MAPK15: variants seen among roughly 807,000 people sequenced by gnomAD.
MAPK15 encodes mitogen-activated protein kinase 15.
A neutral mutation model predicts 60.8 loss-of-function variants in MAPK15; 61 were observed. That is an observed-to-expected ratio of 1.00 (90% CI 0.82 to 1.24). MAPK15 has a LOEUF of 1.24. Among genes scored for constraint, MAPK15 ranks in the 50% most tolerant of loss-of-function variants. MAPK15 has a pLI of 0.00. For missense variants in MAPK15, 808 were observed against 741.1 expected (o/e 1.09, Z -1.05); for synonymous variants, 356 against 319.9 (o/e 1.11, Z -1.21).
rs1817809958 is a variant in MAPK15, at chr8:143,716,407, C to T, written c.30C>T (p.Val10=). Residue 10 remains valine (V), a synonymous_variant, in exon 1 of 14, where the codon GTC becomes GTT. Transcript: ENST00000338033. ...GCACCGTAGTGGACCCTCGCATTGT[C>T]CGGAGATACCTACTCAGGCGGCAGC... is the stretch of plus-strand genomic sequence containing the variant. MCTVVDPRI[V]RRYLLRRQLG... 1.9e-6 allele frequency: 3 copies of T among 1,605,810 alleles called. No individual in the cohort carries two copies. The highest frequency in any genetic ancestry group is 2.3e-5 in the East Asian group (1 of 44,004).
In MAPK15 at chr8:143,722,223, T is replaced by A. The variant is rs782072708; in HGVS notation, c.1607T>A (p.Leu536Gln). The A allele has an allele frequency of 6.3e-7, 1 of 1,596,510 alleles. No individual in the cohort carries two copies. The highest frequency in any genetic ancestry group is 1.7e-5 in the Admixed American group (1 of 58,344). Residue 536 changes from leucine (L) to glutamine (Q), a missense_variant, in exon 14 of 14, where the codon CTG becomes CAG. Coordinates refer to ENST00000338033, the MANE Select transcript of MAPK15 (RefSeq NM_139021.3). ...GTVCHSALGH[L>Q]PLLEGHHV ...GTCTGCCACTCGGCACTGGGCCACCTGCCCCTGCTGGAGGGGCACCATGTG... is the reference window on the plus strand; with the variant it reads ...GTCTGCCACTCGGCACTGGGCCACCAGCCCCTGCTGGAGGGGCACCATGTG...
Position 143,717,706 on chromosome 8 carries a change from G to A in MAPK15, c.79G>A (p.Val27Met). 1 of 1,608,788 alleles carries A rather than the reference G, an allele frequency of 6.2e-7. No individual in the cohort carries two copies. The highest frequency in any genetic ancestry group is 1.1e-5 in the South Asian group (1 of 89,638). ...CACTCCTTCCCAGGCCTATGGCATT[G>A]TGTGGAAGGCAGTGGACCGGAGGAC... Reference protein sequence around the residue: ...RQLGQGAYGIVWKAVDRRTGE... With the variant: ...RQLGQGAYGIMWKAVDRRTGE... The change falls in exon 2 of 14, where the codon GTG (valine) becomes ATG (methionine). Residue 27 changes from valine (V) to methionine (M), a missense_variant. Val to Met is a conservative substitution (Grantham distance 21). Coordinates refer to ENST00000338033, the MANE Select transcript of MAPK15 (RefSeq NM_139021.3).
At position 143,721,638 on chromosome 8, in the gene MAPK15, G is replaced by C; in HGVS notation, c.1294G>C (p.Gly432Arg). The C allele has an allele frequency of 6.2e-7, 1 of 1,610,504 alleles. No individual in the cohort carries two copies. Among genetic ancestry groups the C allele is most frequent in the Non-Finnish European group, 8.5e-7 (1 of 1,178,074 alleles). ...CCTAGGGAATGGGGAAAGGCCCCCTGGGGCGAAGGAAGCGCCCCCCTTGAC... is the reference window on the plus strand; with the variant it reads ...CCTAGGGAATGGGGAAAGGCCCCCTCGGGCGAAGGAAGCGCCCCCCTTGAC... ...ALLGNGERPP[G>R]AKEAPPLTLS... Residue 432 changes from glycine (G) to arginine (R), a missense_variant, in exon 12 of 14, where the codon GGG (glycine) becomes CGG (arginine). Physicochemically the swap from Gly to Arg is moderately radical, Grantham distance 125. Transcript: ENST00000338033.
chr8:143,716,360 G>A lies in MAPK15; in HGVS notation c.-18G>A, dbSNP rs200998930. 2.1e-3 allele frequency: 3,331 copies of A among 1,588,944 alleles called. 94 individuals are homozygous for A. The South Asian group carries it at 0.036, about 17-fold the overall frequency. ...GCAACCGACTCAACAGTAAGGCCCC[G>A]CGGGCGTCCTGGCCGCCATGTGCAC... On this transcript the variant is annotated 5_prime_UTR_variant, in exon 1 of 14. Transcript: ENST00000338033.
At chr8:143,717,575 C>T in intron 1 of MAPK15, 119 bp from the exon 2 acceptor site, 1 of 842,524 alleles carries the variant, frequency 1.2e-6, no homozygotes, top group South Asian at 1.6e-5. Context: ...GGAGCCCACA[C>T]TCCCATCCCC....
At position 143,722,322 on chromosome 8, in the gene MAPK15, C is replaced by T; in HGVS notation, c.*71C>T. The T allele has an allele frequency of 2.9e-6, 4 of 1,379,144 alleles. No homozygotes were observed. The highest frequency in any genetic ancestry group is 1.4e-5 in the South Asian group (1 of 70,760). The allele number at this position is 1,379,144 out of a possible 1,614,324, so 85.4% of individuals were successfully genotyped here. ...CTTCCCCAGACCCCTCTCCAGTCTC[C>T]TGCACCCCTTAGCCCTCCCTGCTTT... On this transcript the variant is annotated 3_prime_UTR_variant, in exon 14 of 14. Transcript: ENST00000338033.
intron 11 of MAPK15, 58 bp from the exon 12 acceptor site, chr8:143,721,491 C>T (rs571359115): frequency 1.3e-4 from 216 of 1,612,460 alleles, no homozygotes; most frequent in East Asian, 1.1e-3. Context: ...GCGCAGCATT[C>T]GGTTCCTGAC....
chr8:143,717,386 G>T (rs1309152793), intron 1 of MAPK15, among the ~76,000 whole-genome samples: 1 of 152,124 alleles, frequency 6.6e-6, no homozygotes, highest in Admixed American at 6.5e-5. Flanking sequence ...GTGAGAGAAA[G>T]GGAGGGAGAG....
At chr8:143,719,216 G>A in intron 6 of MAPK15, 60 bp downstream of exon 6, 2 of 1,497,666 alleles carry the variant, frequency 1.3e-6, no homozygotes, top group Non-Finnish European at 8.9e-7. Context: ...TGCCCAGCCA[G>A]GGCTCCCAGG....
intron 6 of MAPK15, 31 bp from the exon 7 acceptor site, chr8:143,719,312 C>A: frequency 6.4e-7 from 1 of 1,565,558 alleles, no homozygotes; most frequent in Non-Finnish European, 8.7e-7. Context: ...GCCTCTGGGT[C>A]TCTCCATGCC....
rs892984473 is a variant in MAPK15, at chr8:143,721,614, C to G, written c.1270C>G (p.Leu424Val). 9.9e-6 allele frequency: 16 copies of G among 1,612,520 alleles called. No homozygotes were observed. In the Admixed American group the frequency reaches 2.5e-4, roughly 25 times the overall value. The change falls in exon 12 of 14, where the codon CTA (leucine) becomes GTA (valine). Residue 424 changes from leucine to valine, a missense_variant. Physicochemically the swap from Leu to Val is conservative, Grantham distance 32 (BLOSUM62 1). Transcript: ENST00000338033. ...CGCTCCCCTGCTCCAAACTGCTCTC[C>G]TAGGGAATGGGGAAAGGCCCCCTGG... ...NSAPLLQTAL[L>V]GNGERPPGAK...
chr8:143,720,827 C>T lies in MAPK15; in HGVS notation c.904C>T (p.Pro302Ser), dbSNP rs781894574. The change falls in exon 9 of 14, where the codon CCC (proline) becomes TCC (serine). Residue 302 changes from proline (P) to serine (S), a missense_variant. Coordinates refer to ENST00000338033, the MANE Select transcript of MAPK15 (RefSeq NM_139021.3). The surrounding 1 kb of genome is among the most constrained non-coding windows in gnomAD (Gnocchi z 4.6). ...AAGCGCGACCCAGGCACTGCAGCACCCCTACGTGCAGAGGTGGGGGTGGGA... is the reference window on the plus strand; with the variant it reads ...AAGCGCGACCCAGGCACTGCAGCACTCCTACGTGCAGAGGTGGGGGTGGGA... ...RLSATQALQH[P>S]YVQRFHCPSD... The T allele has an allele frequency of 1.2e-6, 2 of 1,612,874 alleles. No homozygotes were observed. The highest frequency in any genetic ancestry group is 1.7e-5 in the Admixed American group (1 of 59,996).
chr8:143,718,978 G>C lies in MAPK15; in HGVS notation c.418-15G>C, dbSNP rs782430959. On this transcript the variant is annotated splice_polypyrimidine_tract_variant and intron_variant, in intron 5 of 13. Coordinates refer to ENST00000338033, the MANE Select transcript of MAPK15 (RefSeq NM_139021.3). The stretch of plus-strand genomic sequence containing the variant: ...CCACCCAGCCCCGGGGCCTCAGCCT[G>C]CCTCCTCTCTGCAGCCGTCCAATGT... 1 of 1,603,976 alleles carries C rather than the reference G, an allele frequency of 6.2e-7. No homozygotes were observed. Among genetic ancestry groups the C allele is most frequent in the South Asian group, 1.1e-5 (1 of 90,016 alleles).
rs148275086 is a variant in MAPK15, at chr8:143,718,870, C to G, written c.382C>G (p.Leu128Val). The change falls in exon 5 of 14, where the codon CTC (leucine) becomes GTC (valine). Residue 128 changes from leucine to valine, a missense_variant. Transcript: ENST00000338033. ...CCAGCTCCTGCGGGCCACCCGGTTC[C>G]TCCACTCGGGGCACGTTGTGCACCG... ...FYQLLRATRFLHSGHVVHRDQ... is the reference protein window; with the variant it reads ...FYQLLRATRFVHSGHVVHRDQ... The G allele has an allele frequency of 2.5e-4, 406 of 1,611,504 alleles. 4 individuals are homozygous for G. Among genetic ancestry groups the G allele is most frequent in the Admixed American group, 9.0e-4 (54 of 59,856 alleles).
chr8:143,716,443 G>A lies in MAPK15; in HGVS notation c.66G>A (p.Gly22=). The change falls in exon 1 of 14, where the codon GGG becomes GGA. Residue 22 remains glycine, a splice_region_variant and synonymous_variant. Transcript: ENST00000338033. ...RYLLRRQLGQ[G]AYGIVWKAVD... is the part of the protein sequence containing the mutation. ...TACTCAGGCGGCAGCTCGGGCAGGG[G>A]GTGAGTGCCTGGGGGTGCGTCCGCG... is the stretch of plus-strand genomic sequence containing the variant. 3 of 1,602,964 alleles carry A rather than the reference G, an allele frequency of 1.9e-6. No individual in the cohort carries two copies. Among genetic ancestry groups the A allele is most frequent in the Non-Finnish European group, 2.6e-6 (3 of 1,175,926 alleles).
At position 143,718,880 on chromosome 8, in the gene MAPK15, GGCACGTTGT is replaced by G. The variant is rs782527350; in HGVS notation, c.397_405del (p.Val133_His135del). 6 of 1,610,062 alleles carry G rather than the reference GGCACGTTGT, an allele frequency of 3.7e-6. No individual in the cohort carries two copies. The Admixed American group carries it at 1.0e-4, about 27-fold the overall frequency. On this transcript the variant is annotated inframe_deletion, in exon 5 of 14. Transcript: ENST00000338033. ...CGGGCCACCCGGTTCCTCCACTCGG[GGCACGTTGT>G]GCACCGGGACCAGAAGGTGCGGTTC...
At position 143,720,842 on chromosome 8, in the gene MAPK15, T is replaced by C; in HGVS notation, c.917+2T>C. The C allele has an allele frequency of 1.9e-6, 3 of 1,610,316 alleles. No individual in the cohort carries two copies. Among genetic ancestry groups the C allele is most frequent in the Non-Finnish European group, 2.5e-6 (3 of 1,179,130 alleles). On this transcript the variant is annotated splice_donor_variant, in intron 9 of 13. Coordinates refer to ENST00000338033, the MANE Select transcript of MAPK15 (RefSeq NM_139021.3). LOFTEE classifies it high-confidence loss of function. This position sits in a 1 kb window ranked among gnomAD's most constrained non-coding sequence, Gnocchi z 4.6. The stretch of plus-strand genomic sequence containing the variant: ...ACTGCAGCACCCCTACGTGCAGAGG[T>C]GGGGGTGGGAGAGAGTCCCCCAAGT...
chr8:143,718,995 G>C lies in MAPK15; in HGVS notation c.420G>C (p.Pro140=), dbSNP rs548325686. The change falls in exon 6 of 14, where the codon CCG becomes CCC. Residue 140 remains proline (P), a splice_region_variant and synonymous_variant. Coordinates refer to ENST00000338033, the MANE Select transcript of MAPK15 (RefSeq NM_139021.3). ...CTCAGCCTGCCTCCTCTCTGCAGCCGTCCAATGTGCTCCTGGATGCCAACT... is the reference window on the plus strand; with the variant it reads ...CTCAGCCTGCCTCCTCTCTGCAGCCCTCCAATGTGCTCCTGGATGCCAACT... ...SGHVVHRDQK[P]SNVLLDANCT... is the part of the protein sequence containing the mutation. The C allele has an allele frequency of 1.2e-6, 2 of 1,606,846 alleles. No individual in the cohort carries two copies. The highest frequency in any genetic ancestry group is 1.7e-6 in the Non-Finnish European group (2 of 1,177,160).
At position 143,722,417 on chromosome 8, in the gene MAPK15, C is replaced by T. The variant is rs541311586; in HGVS notation, c.*166C>T. ...GGGGAGCAGATGAGGGCCCTGCCCC[C>T]GCCCCACTGACTTCCTCCAATAAAG... On this transcript the variant is annotated 3_prime_UTR_variant, in exon 14 of 14. Transcript: ENST00000338033. 3.8e-5 allele frequency: 21 copies of T among 558,758 alleles called. No homozygotes were observed. The highest frequency in any genetic ancestry group is 7.8e-5 in the South Asian group (3 of 38,422). 34.6% of individuals were successfully genotyped at this position (558,758 alleles called of 1,614,324 possible).
Sources: allele counts gnomAD v4.1 joint callset (sites outside exome capture counted in the v4.1 genomes callset), GRCh38; gene constraint gnomAD v4.1.1; non-coding constraint Gnocchi (gnomAD v3.1); transcripts MANE v1.5; gene names NCBI Gene and HGNC (gene_info 2026-07-23, HGNC 2026-07-21).